DTD1: variants seen among roughly 807,000 people sequenced by gnomAD.
The protein encoded by DTD1 is D-aminoacyl-tRNA deacylase 1.
Under a neutral mutation model 25.6 loss-of-function variants are expected in DTD1, and 13 were observed. That is an observed-to-expected ratio of 0.51 (90% CI 0.33 to 0.81). The LOEUF is 0.81. Among genes scored for constraint, DTD1 ranks in the 30% least tolerant of loss-of-function variants. The probability of loss-of-function intolerance (pLI) is 0.02; values close to 1 mark genes in which losing one functional copy is unlikely to be tolerated. For missense variants in DTD1, 193 were observed against 266.4 expected, an observed-to-expected ratio of 0.72 and a Z score of 1.92; for synonymous variants, 110 against 103.6, an observed-to-expected ratio of 1.06 and a Z score of -0.37.
At chr20:18,658,921 C>T (rs1472704804) in intron 4 of DTD1, among the ~76,000 whole-genome samples, 2 of 152,148 alleles carry the variant, frequency 1.3e-5, no homozygotes, top group African/African-American at 4.8e-5. Context: ...TTGGGTGTGG[C>T]ATCTGACAGC....
chr20:18,600,499 T>A (rs2060629460), intron 3 of DTD1, among the ~76,000 whole-genome samples: 1 of 152,338 alleles, frequency 6.6e-6, no homozygotes. Context: ...GTCTTATTTA[T>A]TGTAGCTTTA....
At chr20:18,737,714 C>T (rs907441959) in intron 4 of DTD1, among the ~76,000 whole-genome samples, 2 of 152,244 alleles carry the variant, frequency 1.3e-5, no homozygotes, top group African/African-American at 4.8e-5. Flanking sequence ...TTAGCCAGCC[C>T]TATTACTGGT....
chr20:18,689,854 C>T (rs367627518), intron 4 of DTD1, among the ~76,000 whole-genome samples: 18 of 8,622 alleles, frequency 2.1e-3, no homozygotes, highest in Non-Finnish European at 9.2e-3. Context: ...AAATTTAAGC[C>T]GGGTATGGTG....
chr20:18,647,018 A>G (rs1218661140), intron 4 of DTD1, among the ~76,000 whole-genome samples: 3 of 152,320 alleles, frequency 2.0e-5, no homozygotes, highest in Non-Finnish European at 2.9e-5. Flanking sequence ...AGCTCTGACA[A>G]TGGGGGAAAG....
chr20:18,644,951 G>A (rs916510276), intron 4 of DTD1, among the ~76,000 whole-genome samples: 1 of 152,084 alleles, frequency 6.6e-6, no homozygotes, highest in East Asian at 1.9e-4. Context: ...TTTGAGACCT[G>A]CCTGTGCAAC....
At chr20:18,597,154 AGTGTGTGTGTGTGTGTGTGTGTGTGT>A (rs4052788) in intron 3 of DTD1, among the ~76,000 whole-genome samples, 3 of 143,462 alleles carry the variant, frequency 2.1e-5, no homozygotes, top group South Asian at 2.3e-4. Context: ...GATGAGAGAA[AGTGTGTGTGTGTGTGTGTGTGTGTGT>A]GTGTGTGTGT....
intron 4 of DTD1, among the ~76,000 whole-genome samples, chr20:18,729,845 C>T (rs919290954): frequency 3.3e-5 from 5 of 152,192 alleles, no homozygotes; most frequent in South Asian, 2.1e-4. Flanking sequence ...TGACCACTGT[C>T]CTGCCCCTTA....
chr20:18,674,967 A>C (rs764999638), intron 4 of DTD1: 2 of 152,288 alleles, frequency 1.3e-5, no homozygotes, highest in Non-Finnish European at 2.9e-5. Flanking sequence ...CACAACAATA[A>C]ACATTTTTTA....
intron 4 of DTD1, among the ~76,000 whole-genome samples, chr20:18,659,453 A>G (rs779941626): frequency 1.1e-4 from 17 of 152,228 alleles, no homozygotes; most frequent in Admixed American, 2.6e-4. Flanking sequence ...CTTTTGTCAT[A>G]TCAACTTAAG....
At chr20:18,623,171 C>T (rs897982141) in intron 3 of DTD1, among the ~76,000 whole-genome samples, 15 of 151,930 alleles carry the variant, frequency 9.9e-5, no homozygotes, top group African/African-American at 2.9e-4. Context: ...GATCTCCCGA[C>T]CTCGTGATCC....
intron 3 of DTD1, among the ~76,000 whole-genome samples, chr20:18,619,677 G>A (rs951599564): frequency 3.3e-5 from 5 of 151,592 alleles, no homozygotes; most frequent in Non-Finnish European, 7.4e-5. Flanking sequence ...TGCCCGCCTC[G>A]GCCTCCCAAA....
intron 4 of DTD1, among the ~76,000 whole-genome samples, chr20:18,708,198 TATATATATTTTATATATATA>T: frequency 4.0e-5 from 1 of 25,166 alleles, no homozygotes; most frequent in Admixed American, 6.4e-4. Flanking sequence ...ATATATATTA[TATATATATTTTATATATATA>T]ATATATATAT....
chr20:18,599,684 G>C (rs1397588318), intron 3 of DTD1, among the ~76,000 whole-genome samples: 1 of 152,140 alleles, frequency 6.6e-6, no homozygotes, highest in Non-Finnish European at 1.5e-5. Context: ...CTAATATTTG[G>C]TGTTGTAATT....
At chr20:18,740,648 T>A (rs1568686533) in intron 4 of DTD1, among the ~76,000 whole-genome samples, 1 of 152,248 alleles carries the variant, frequency 6.6e-6, no homozygotes, top group Admixed American at 6.5e-5. Context: ...TGCTAACTTA[T>A]GATTTCCAAA....
intron 5 of DTD1, among the ~76,000 whole-genome samples, chr20:18,753,376 G>A (rs1252546096): frequency 6.6e-6 from 1 of 152,066 alleles, no homozygotes; most frequent in Non-Finnish European, 1.5e-5. Flanking sequence ...GGGAGGCCGA[G>A]GCGGGTGGAT....
intron 4 of DTD1, among the ~76,000 whole-genome samples, chr20:18,688,914 G>A (rs916499090): frequency 1.3e-5 from 2 of 152,118 alleles, no homozygotes; most frequent in Non-Finnish European, 2.9e-5. Context: ...GTGTTAGCAG[G>A]TGGAGCTAGC....
At chr20:18,615,363 C>T (rs2060705244) in intron 3 of DTD1, among the ~76,000 whole-genome samples, 1 of 152,138 alleles carries the variant, frequency 6.6e-6, no homozygotes, top group Admixed American at 6.6e-5. Context: ...CATATTTTCC[C>T]CTCTACTGAG....
At chr20:18,675,905 C>T in intron 4 of DTD1, among the ~76,000 whole-genome samples, 1 of 108,294 alleles carries the variant, frequency 9.2e-6, no homozygotes, top group Non-Finnish European at 2.0e-5. Flanking sequence ...TCACAACATA[C>T]TGATTTATAA....
intron 2 of DTD1, among the ~76,000 whole-genome samples, chr20:18,594,278 T>A (rs1000680008): frequency 6.6e-6 from 1 of 152,106 alleles, no homozygotes; most frequent in Non-Finnish European, 1.5e-5. Flanking sequence ...TGAACCCCAG[T>A]TAGAGTCTGG....
Sources: allele counts gnomAD v4.1 joint callset (sites outside exome capture counted in the v4.1 genomes callset), GRCh38; gene constraint gnomAD v4.1.1; transcripts MANE v1.5; gene names NCBI Gene and HGNC (gene_info 2026-07-23, HGNC 2026-07-21).